The following WFDC11 variants were observed in gnomAD, a reference collection of about 807,000 sequenced individuals.
WFDC11 encodes the protein WAP four-disulfide core domain 11, also known as protein WFDC11.
WFDC11 carries 9 observed loss-of-function variants against 9.9 expected under a neutral mutation model. That is an observed-to-expected ratio of 0.91 (90% CI 0.55 to 1.58). WFDC11 has a LOEUF of 1.58. Among genes scored for constraint, WFDC11 ranks in the 40% most tolerant of loss-of-function variants. The pLI, the probability that WFDC11 is intolerant of heterozygous loss-of-function variation, is 0.00. For synonymous variants in WFDC11, 32 were observed against 33.3 expected (o/e 0.96, Z 0.13); for missense variants, 106 against 101.7 (o/e 1.04, Z -0.18).
chr20:45,651,995 C>T (rs187480920), intron 2 of WFDC11, among the ~76,000 whole-genome samples: 1 of 152,348 alleles, frequency 6.6e-6, no homozygotes, highest in East Asian at 1.9e-4. Context: ...CCTCTGTAGA[C>T]TCCACCTCTG....
chr20:45,667,630 T>A (rs1983214124), intron 1 of WFDC11, among the ~76,000 whole-genome samples: 1 of 152,220 alleles, frequency 6.6e-6, no homozygotes, highest in Non-Finnish European at 1.5e-5. Context: ...TTCGAAAATA[T>A]CACATAACAT....
intron 1 of WFDC11, among the ~76,000 whole-genome samples, chr20:45,667,941 T>C (rs1251331874): frequency 1.3e-5 from 2 of 152,242 alleles, no homozygotes; most frequent in East Asian, 1.9e-4. Flanking sequence ...ATATTTAACA[T>C]GTATTAACCA....
At chr20:45,665,816 C>T (rs1983176929) in intron 2 of WFDC11, among the ~76,000 whole-genome samples, 1 of 152,270 alleles carries the variant, frequency 6.6e-6, no homozygotes, top group East Asian at 1.9e-4. Context: ...GGGCACTTGG[C>T]CATATGAGGT....
chr20:45,662,433 A>T (rs556277033), intron 2 of WFDC11, among the ~76,000 whole-genome samples: 116 of 152,092 alleles, frequency 7.6e-4, no homozygotes, highest in African/African-American at 2.8e-3. Flanking sequence ...CTAATTGCCC[A>T]GGCCAGAACT....
chr20:45,655,536 CCT>C (rs1982910206), intron 2 of WFDC11, among the ~76,000 whole-genome samples: 1 of 152,104 alleles, frequency 6.6e-6, no homozygotes, highest in African/African-American at 2.4e-5. Context: ...ACAGGAATGC[CCT>C]CTCTCACCAC....
chr20:45,669,713 C>T (rs183974458), intron 1 of WFDC11, among the ~76,000 whole-genome samples: 123 of 152,138 alleles, frequency 8.1e-4, no homozygotes, highest in Non-Finnish European at 1.4e-3. Context: ...ATGCCCACAT[C>T]AAAAAGTTAG....
At chr20:45,654,264 A>G (rs1273623147) in intron 2 of WFDC11, among the ~76,000 whole-genome samples, 2 of 152,272 alleles carry the variant, frequency 1.3e-5, no homozygotes, top group Non-Finnish European at 2.9e-5. Context: ...ACTAGAACTC[A>G]GGATTAAGAA....
intron 2 of WFDC11, among the ~76,000 whole-genome samples, chr20:45,656,203 C>T (rs1373905141): frequency 6.6e-6 from 1 of 151,102 alleles, no homozygotes; most frequent in Non-Finnish European, 1.5e-5. Flanking sequence ...CCTACAGTAA[C>T]CAAAACAGCA....
chr20:45,665,396 A>G (rs1447265671), intron 2 of WFDC11, among the ~76,000 whole-genome samples: 1 of 152,010 alleles, frequency 6.6e-6, no homozygotes, highest in African/African-American at 2.4e-5. Flanking sequence ...GTTATTATAG[A>G]CCTTCTGAAG....
chr20:45,660,969 C>G (rs1983049026), intron 2 of WFDC11, among the ~76,000 whole-genome samples: 2 of 152,100 alleles, frequency 1.3e-5, no homozygotes, highest in African/African-American at 4.8e-5. Context: ...ATTTCTAGTT[C>G]TAGATCCTTG....
chr20:45,649,210 T>C (rs374867047), intron 4 of WFDC11, 47 bp downstream of exon 4: 1 of 1,603,512 alleles, frequency 6.2e-7, no homozygotes, highest in Non-Finnish European at 8.5e-7. Context: ...GAGAAGGGAA[T>C]GAGAATCAGT....
intron 3 of WFDC11, 121 bp downstream of exon 3, chr20:45,650,380 T>C (rs1982779244): frequency 1.4e-6 from 1 of 714,374 alleles, no homozygotes; most frequent in Non-Finnish European, 2.4e-6. Context: ...TGTCATTCTC[T>C]GATGGGTGAT....
Position 45,648,708 on chromosome 20 carries a change from A to T in WFDC11, c.*11T>A, listed in dbSNP as rs1263615044. ...CCCACACAGGTGGCAGCCTGGTGGG[A>T]AGCTACGGTTTTAGTAATCTCCACT... On this transcript the variant is annotated 3_prime_UTR_variant, in exon 5 of 5. Coordinates refer to ENST00000324384, the MANE Select transcript of WFDC11 (RefSeq NM_147197.2). 1 of 1,614,208 alleles carries T rather than the reference A, an allele frequency of 6.2e-7. No homozygotes were observed.
At chr20:45,659,283 A>T in intron 2 of WFDC11, among the ~76,000 whole-genome samples, 1 of 152,208 alleles carries the variant, frequency 6.6e-6, no homozygotes, top group Non-Finnish European at 1.5e-5. Flanking sequence ...TTGAGGAATC[A>T]CCACACTGTC....
At chr20:45,651,378 T>G (rs1209655059) in intron 2 of WFDC11, among the ~76,000 whole-genome samples, 1 of 151,818 alleles carries the variant, frequency 6.6e-6, no homozygotes, top group East Asian at 1.9e-4. Context: ...CTGGAGGGGT[T>G]TTTTTTGTTT....
At chr20:45,661,431 A>G (rs1983063115) in intron 2 of WFDC11, among the ~76,000 whole-genome samples, 1 of 151,818 alleles carries the variant, frequency 6.6e-6, no homozygotes, top group Non-Finnish European at 1.5e-5. Flanking sequence ...ATTAGATCCC[A>G]TTTGTCAATT....
chr20:45,649,211 G>A (rs1249190398), intron 4 of WFDC11, 46 bp downstream of exon 4: 5 of 1,605,802 alleles, frequency 3.1e-6, no homozygotes, highest in Non-Finnish European at 3.4e-6. Context: ...AGAAGGGAAT[G>A]AGAATCAGTG....
chr20:45,652,986 G>C (rs1982845051), intron 2 of WFDC11, among the ~76,000 whole-genome samples: 1 of 152,162 alleles, frequency 6.6e-6, no homozygotes, highest in South Asian at 2.1e-4. Context: ...AGGGAGAATG[G>C]AACCAAGGTG....
At chr20:45,668,908 C>T (rs1983240406) in intron 1 of WFDC11, among the ~76,000 whole-genome samples, 1 of 151,980 alleles carries the variant, frequency 6.6e-6, no homozygotes, top group Non-Finnish European at 1.5e-5. Flanking sequence ...TTATTTATTC[C>T]TTGGGAAAGC....
Sources: gnomAD v4.1 joint callset for allele counts (sites outside exome capture counted in the v4.1 genomes callset) on GRCh38, gnomAD v4.1.1 for gene constraint, MANE v1.5 for transcripts, NCBI Gene and HGNC (gene_info 2026-07-23, HGNC 2026-07-21) for gene names.